The following TBC1D5 variants were observed in gnomAD, a reference collection of about 807,000 sequenced individuals.
The protein encoded by TBC1D5 is TBC1 domain family, member 5.
TBC1D5 carries 75 observed loss-of-function variants against 100.3 expected under a neutral mutation model. The ratio of observed to expected loss-of-function variants is 0.75; its 90% CI spans 0.62 to 0.91. The LOEUF is 0.91. Ranked by LOEUF, TBC1D5 falls within the 40% of genes least tolerant of loss-of-function variation. The pLI is 0.00. For synonymous variants in TBC1D5, 323 were observed against 325.6 expected, an observed-to-expected ratio of 0.99 and a Z score of 0.09; for missense variants, 910 against 942.4, an observed-to-expected ratio of 0.97 and a Z score of 0.45.
intron 4 of TBC1D5, among the ~76,000 whole-genome samples, chr3:17,413,618 T>G (rs1275525680): frequency 1.3e-5 from 2 of 152,146 alleles, no homozygotes; most frequent in Non-Finnish European, 2.9e-5. Flanking sequence ...TCTTCTAAAT[T>G]TAATAGTTGA....
At chr3:17,220,586 A>G (rs945816211) in intron 17 of TBC1D5, among the ~76,000 whole-genome samples, 1 of 152,110 alleles carries the variant, frequency 6.6e-6, no homozygotes, top group African/African-American at 2.4e-5. Flanking sequence ...CTTAGGAAGC[A>G]TTTCTTACCC....
intron 1 of TBC1D5, among the ~76,000 whole-genome samples, chr3:17,681,938 G>A (rs11927654): frequency 0.51 from 76,750 of 151,262 alleles, 21,380 homozygotes; most frequent in East Asian, 0.94. Context: ...AAACCCTACC[G>A]TGAACTGCGC....
Position 17,683,698 on chromosome 3 carries a change from C to T in TBC1D5, c.-101+55645G>A, listed in dbSNP as rs2069826289. Among the ~76,000 whole-genome samples, 3 of 152,248 alleles carry T rather than the reference C, an allele frequency of 2.0e-5. No homozygotes were observed. The South Asian group carries it at 6.2e-4, about 32-fold the overall frequency. On this transcript the variant is annotated intron_variant, in intron 1 of 21. Coordinates refer to ENST00000253692, the Ensembl canonical transcript of TBC1D5. ...TAAATGAGTCCTAATGCGAGCCCCACCACTTTCAGCTGTGTGGCAATCAGC... is the reference window on the plus strand; with the variant it reads ...TAAATGAGTCCTAATGCGAGCCCCATCACTTTCAGCTGTGTGGCAATCAGC...
chr3:17,708,090 T>C (rs1281183409), intron 1 of TBC1D5, among the ~76,000 whole-genome samples: 1 of 152,210 alleles, frequency 6.6e-6, no homozygotes, highest in Non-Finnish European at 1.5e-5. Flanking sequence ...GGCATTCCCC[T>C]TCTTTACCTC....
At chr3:17,479,587 G>T (rs1341100924) in intron 3 of TBC1D5, among the ~76,000 whole-genome samples, 1 of 152,150 alleles carries the variant, frequency 6.6e-6, no homozygotes, top group Non-Finnish European at 1.5e-5. Flanking sequence ...GTTAACACCA[G>T]TAATCCCAGC....
At chr3:17,371,578 C>T (rs150120825) in intron 13 of TBC1D5, among the ~76,000 whole-genome samples, 1 of 152,034 alleles carries the variant, frequency 6.6e-6, no homozygotes, top group African/African-American at 2.4e-5. Flanking sequence ...GTTGGTATTA[C>T]AAAGAGTATT....
chr3:17,419,359 T>TC (rs2094155297), intron 4 of TBC1D5, among the ~76,000 whole-genome samples: 1 of 152,154 alleles, frequency 6.6e-6, no homozygotes, highest in Admixed American at 6.5e-5. Flanking sequence ...TTTAAAAGCT[T>TC]CCCCTTCCCT....
At chr3:17,413,391 A>G (rs751077353) in intron 4 of TBC1D5, among the ~76,000 whole-genome samples, 1 of 152,188 alleles carries the variant, frequency 6.6e-6, no homozygotes, top group Non-Finnish European at 1.5e-5. Flanking sequence ...GCAGGAATTG[A>G]TACCTTCCCT....
At chr3:17,158,584 TCTC>T (rs2065783945) in exon 22 of TBC1D5, 1 of 152,224 alleles carries the variant, frequency 6.6e-6, no homozygotes, top group African/African-American at 2.4e-5. Flanking sequence ...TGTATGTCTC[TCTC>T]CTCCAAGGAG....
intron 15 of TBC1D5, among the ~76,000 whole-genome samples, chr3:17,260,770 C>G (rs928618641): frequency 6.6e-6 from 1 of 151,764 alleles, no homozygotes; most frequent in Non-Finnish European, 1.5e-5. Context: ...TTTCTAGTAG[C>G]CACATTTAAA....
chr3:17,226,712 T>C (rs2074942202), intron 17 of TBC1D5, among the ~76,000 whole-genome samples: 1 of 152,174 alleles, frequency 6.6e-6, no homozygotes, highest in African/African-American at 2.4e-5. Flanking sequence ...TCCCTGCCAG[T>C]GTTGCTTCTT....
intron 1 of TBC1D5, among the ~76,000 whole-genome samples, chr3:17,714,587 C>T (rs139212219): frequency 2.6e-5 from 4 of 152,244 alleles, no homozygotes; most frequent in East Asian, 1.9e-4. Context: ...AGTTTTGTCA[C>T]GACTCTAGCT....
chr3:17,325,398 T>C (rs1360618192), intron 13 of TBC1D5, among the ~76,000 whole-genome samples: 2 of 150,770 alleles, frequency 1.3e-5, no homozygotes, highest in African/African-American at 2.4e-5. Context: ...TCTTGGCTCA[T>C]TGCAACCTTC....
chr3:17,389,595 A>G (rs950058274), intron 8 of TBC1D5, among the ~76,000 whole-genome samples: 2 of 152,114 alleles, frequency 1.3e-5, no homozygotes, highest in African/African-American at 2.4e-5. Flanking sequence ...GCCAGCTTCA[A>G]TAACCAGACA....
chr3:17,626,768 A>C (rs1017843418), intron 1 of TBC1D5, among the ~76,000 whole-genome samples: 2 of 152,212 alleles, frequency 1.3e-5, no homozygotes, highest in Admixed American at 6.5e-5. Context: ...TGAGAAATGA[A>C]GAAGGATATG....
At chr3:17,175,912 C>T (rs1418856314) in intron 19 of TBC1D5, among the ~76,000 whole-genome samples, 3 of 152,082 alleles carry the variant, frequency 2.0e-5, no homozygotes, top group Non-Finnish European at 2.9e-5. Flanking sequence ...ATGCTCTTGT[C>T]CTCAGCATGA....
intron 3 of TBC1D5, among the ~76,000 whole-genome samples, chr3:17,437,998 C>G (rs1436003719): frequency 6.6e-6 from 1 of 152,104 alleles, no homozygotes; most frequent in Non-Finnish European, 1.5e-5. Context: ...CTGCATTGAG[C>G]TATGCCAACT....
chr3:17,694,199 T>C (rs371245925), intron 1 of TBC1D5, among the ~76,000 whole-genome samples: 14 of 152,200 alleles, frequency 9.2e-5, no homozygotes, highest in African/African-American at 3.4e-4. Flanking sequence ...CTCCAAAACA[T>C]TGCAGCTCCT....
chr3:17,234,488 G>A (rs1458750021), intron 17 of TBC1D5, among the ~76,000 whole-genome samples: 2 of 151,160 alleles, frequency 1.3e-5, no homozygotes, highest in African/African-American at 2.4e-5. Flanking sequence ...GAGCATAACA[G>A]GAAATCTCAT....
Sources: gnomAD v4.1 joint callset for allele counts (sites outside exome capture counted in the v4.1 genomes callset) on GRCh38, gnomAD v4.1.1 for gene constraint, MANE v1.5 for transcripts, NCBI Gene and HGNC (gene_info 2026-07-23, HGNC 2026-07-21) for gene names.